The following MPP7 variants were observed in gnomAD, a reference collection of about 807,000 sequenced individuals.
The protein encoded by MPP7 is MAGUK p55 subfamily member 7.
Under a neutral mutation model 76.5 loss-of-function variants are expected in MPP7, and 60 were observed. That is an observed-to-expected ratio of 0.78 (90% CI 0.64 to 0.97). The LOEUF is 0.97. MPP7 is among the 50% of genes least tolerant of loss of function. MPP7 has a pLI of 0.00. For missense variants in MPP7, 641 were observed against 694.0 expected, an observed-to-expected ratio of 0.92 and a Z score of 0.86; for synonymous variants, 237 against 244.5, an observed-to-expected ratio of 0.97 and a Z score of 0.29.
At chr10:28,171,340 A>T (rs1836674886) in intron 3 of MPP7, among the ~76,000 whole-genome samples, 1 of 152,110 alleles carries the variant, frequency 6.6e-6, no homozygotes, top group Admixed American at 6.6e-5. Context: ...AGTAAAGAAA[A>T]TTTTTCTCTC....
At chr10:28,099,257 C>T (rs1853705533) in intron 11 of MPP7, among the ~76,000 whole-genome samples, 1 of 152,156 alleles carries the variant, frequency 6.6e-6, no homozygotes, top group African/African-American at 2.4e-5. Flanking sequence ...ACTTGGCTTT[C>T]TGTTAACTCA....
intron 3 of MPP7, among the ~76,000 whole-genome samples, chr10:28,185,203 A>G (rs1181757438): frequency 6.8e-6 from 1 of 147,976 alleles, no homozygotes; most frequent in African/African-American, 2.5e-5. Context: ...TTATGTTGTT[A>G]TATGATATAA....
chr10:28,225,889 T>C (rs1387689907), intron 2 of MPP7, among the ~76,000 whole-genome samples: 1 of 152,140 alleles, frequency 6.6e-6, no homozygotes, highest in Non-Finnish European at 1.5e-5. Context: ...CAATATTATA[T>C]TACACATAAG....
At chr10:28,229,946 T>A (rs111483795) in intron 2 of MPP7, among the ~76,000 whole-genome samples, 3,082 of 151,086 alleles carry the variant, frequency 0.02, 110 homozygotes, top group African/African-American at 0.068. Flanking sequence ...AGGTCTGGGG[T>A]TTTTTATTTT....
chr10:28,115,834 C>T (rs1445234137), intron 11 of MPP7, among the ~76,000 whole-genome samples: 2 of 152,064 alleles, frequency 1.3e-5, no homozygotes, highest in African/African-American at 4.8e-5. Flanking sequence ...TTCTTTTTAC[C>T]TGCATAATAA....
intron 3 of MPP7, among the ~76,000 whole-genome samples, chr10:28,188,806 G>A (rs975145360): frequency 6.6e-6 from 1 of 151,962 alleles, no homozygotes; most frequent in Non-Finnish European, 1.5e-5. Flanking sequence ...AGAGTGGACT[G>A]AAATATTTTA....
Position 28,123,979 on chromosome 10 carries a change from C to T in MPP7, c.615+52G>A, listed in dbSNP as rs1834926743. 3.1e-5 allele frequency: 38 copies of T among 1,217,070 alleles called. 1 individual carries two copies. In the South Asian group the frequency reaches 3.7e-4, roughly 12 times the overall value. 75.4% of individuals were successfully genotyped at this position (1,217,070 alleles called of 1,614,324 possible). On this transcript the variant is annotated intron_variant, in intron 8 of 16. Coordinates refer to ENST00000683449, the MANE Select transcript of MPP7 (RefSeq NM_001318170.2). Reference sequence around the variant, plus strand: ...AAACCAAGTCTAAAAGTCTGAAATACAGTGATTCGATTTTATTTTTATTGT... The same window carrying T: ...AAACCAAGTCTAAAAGTCTGAAATATAGTGATTCGATTTTATTTTTATTGT...
chr10:28,079,639 C>T (rs1018792550), intron 12 of MPP7, among the ~76,000 whole-genome samples: 1 of 151,992 alleles, frequency 6.6e-6, no homozygotes, highest in Non-Finnish European at 1.5e-5. Context: ...CTTATACTGA[C>T]AAAAAAACAA....
At chr10:28,167,927 A>T (rs1836539534) in intron 3 of MPP7, among the ~76,000 whole-genome samples, 2 of 152,136 alleles carry the variant, frequency 1.3e-5, no homozygotes, top group African/African-American at 4.8e-5. Context: ...TTTGCAACTC[A>T]TGCTTACTGG....
At chr10:28,323,049 G>A (rs1363046692) in intron 2 of MPP7, among the ~76,000 whole-genome samples, 1 of 152,142 alleles carries the variant, frequency 6.6e-6, no homozygotes, top group African/African-American at 2.4e-5. Context: ...CGGTTTGGGA[G>A]GCCAAGGCAG....
At chr10:28,173,292 C>T (rs187502646) in intron 3 of MPP7, among the ~76,000 whole-genome samples, 1 of 151,618 alleles carries the variant, frequency 6.6e-6, no homozygotes, top group Non-Finnish European at 1.5e-5. Context: ...TATTACAGAT[C>T]TACCATTACT....
chr10:28,274,098 TTTC>T (rs1300830651), intron 1 of MPP7, among the ~76,000 whole-genome samples: 6 of 148,356 alleles, frequency 4.0e-5, no homozygotes, highest in Non-Finnish European at 7.4e-5. Context: ...ATAAAATTTT[TTTC>T]TTTTTTTTTT....
In MPP7 at chr10:28,155,598, C is replaced by CA. The variant is rs71391013; in HGVS notation, c.157-5540dup. Among the ~76,000 whole-genome samples the CA allele has an allele frequency of 6.7e-3, 837 of 124,560 alleles. 11 individuals are homozygous for CA. Among genetic ancestry groups the CA allele is most frequent in the African/African-American group, 0.015 (446 of 30,484 alleles). The allele number at this position is 124,560 out of a possible 152,430, so 81.7% of individuals were successfully genotyped here. On this transcript the variant is annotated intron_variant, in intron 3 of 16. Coordinates refer to ENST00000683449, the MANE Select transcript of MPP7 (RefSeq NM_001318170.2). ...GGGCAACAGAGCCAGACCCTGTCTC[C>CA]AAAAAAAAAAAGAAAGAAAAAGAAA...
At chr10:28,270,551 G>C (rs1027313050) in intron 1 of MPP7, among the ~76,000 whole-genome samples, 1 of 120,102 alleles carries the variant, frequency 8.3e-6, no homozygotes, top group African/African-American at 3.1e-5. Context: ...GGGAGGAGGG[G>C]AGCTGGGGAG....
intron 6 of MPP7, among the ~76,000 whole-genome samples, chr10:28,130,560 T>A (rs1004433991): frequency 6.6e-6 from 1 of 152,228 alleles, no homozygotes; most frequent in African/African-American, 2.4e-5. Flanking sequence ...TATTTCAGCT[T>A]AGCTTCCAGC....
chr10:28,309,377 C>G (rs7476244), intron 2 of MPP7, among the ~76,000 whole-genome samples: 6 of 149,918 alleles, frequency 4.0e-5, no homozygotes, highest in Non-Finnish European at 7.4e-5. Context: ...TCCCACCACT[C>G]TACTCCAGCC....
chr10:28,176,337 G>C (rs1375376146), intron 3 of MPP7, among the ~76,000 whole-genome samples: 4 of 145,462 alleles, frequency 2.7e-5, no homozygotes, highest in Non-Finnish European at 5.9e-5. Context: ...GTGCAGTTGG[G>C]TCAAAAACAA....
At chr10:28,058,660 C>T in intron 14 of MPP7, 57 bp from the exon 15 acceptor site, 1 of 960,458 alleles carries the variant, frequency 1.0e-6, no homozygotes, top group Non-Finnish European at 1.5e-6. Context: ...TTATAGGTGG[C>T]AAGATAAAAT....
rs1207867143 is a variant in MPP7, at chr10:28,131,560, C to G, written c.447G>C (p.Leu149=). Reference sequence around the variant, plus strand: ...CTCATATCTGAGCACCAAAACTCACCAGTGGTTCTCTATTTTTGACCAGAC... The same window carrying G: ...CTCATATCTGAGCACCAAAACTCACGAGTGGTTCTCTATTTTTGACCAGAC... ...IIRLVKNREP[L]GATIKKDEQT... Residue 149 remains leucine, a splice_region_variant and synonymous_variant, in exon 6 of 17, where the codon CTG becomes CTC. Coordinates refer to ENST00000683449, the MANE Select transcript of MPP7 (RefSeq NM_001318170.2). The G allele has an allele frequency of 2.5e-5, 39 of 1,587,086 alleles. No individual in the cohort carries two copies. The highest frequency in any genetic ancestry group is 3.3e-5 in the Non-Finnish European group (38 of 1,164,230).
Sources: allele counts gnomAD v4.1 joint callset (sites outside exome capture counted in the v4.1 genomes callset), GRCh38; gene constraint gnomAD v4.1.1; transcripts MANE v1.5; gene names NCBI Gene and HGNC (gene_info 2026-07-23, HGNC 2026-07-21).